The following GATA4 variants were observed in gnomAD, a reference collection of about 807,000 sequenced individuals.
GATA4 encodes GATA binding protein 4, also known as transcription factor GATA-4.
GATA4 carries 7 observed loss-of-function variants against 37.9 expected under a neutral mutation model. That is an observed-to-expected ratio of 0.18 (90% CI 0.11 to 0.35). The LOEUF (loss-of-function observed/expected upper bound fraction) is 0.35, where lower values mean the gene tolerates loss of function less well. GATA4 is among the 10% of genes least tolerant of loss of function. The probability of loss-of-function intolerance (pLI) is 1.00; values close to 1 mark genes in which losing one functional copy is unlikely to be tolerated. For missense variants in GATA4, 647 were observed against 653.0 expected, an observed-to-expected ratio of 0.99 and a Z score of 0.10; for synonymous variants, 372 against 292.6, an observed-to-expected ratio of 1.27 and a Z score of -2.77.
At chr8:11,722,976 T>G (rs1329038864) in intron 2 of GATA4, among the ~76,000 whole-genome samples, 1 of 152,204 alleles carries the variant, frequency 6.6e-6, no homozygotes, top group Non-Finnish European at 1.5e-5. Context: ...TTTTCATTGT[T>G]CAAAAGAACA....
At chr8:11,740,732 C>A (rs1313340861) in intron 2 of GATA4, among the ~76,000 whole-genome samples, 1 of 144,732 alleles carries the variant, frequency 6.9e-6, no homozygotes, top group Non-Finnish European at 1.6e-5. Flanking sequence ...TTCTTTGTTC[C>A]TTTTCCGTTT....
intron 1 of GATA4, among the ~76,000 whole-genome samples, chr8:11,696,510 G>T (rs1799513221): frequency 6.6e-6 from 1 of 152,166 alleles, no homozygotes; most frequent in African/African-American, 2.4e-5. Flanking sequence ...CTATTCCCCT[G>T]CTTAAGGATC....
rs973679741 is a variant in GATA4, at chr8:11,749,634, T to G, written c.787-477T>G. Among the ~76,000 whole-genome samples, 4 of 152,196 alleles carry G rather than the reference T, an allele frequency of 2.6e-5. No individual in the cohort carries two copies. The highest frequency in any genetic ancestry group is 9.7e-5 in the African/African-American group (4 of 41,450). ...TTGATTCTGGTCAACACCAACCAGCTTGCACTATATTAAGGAGGGAAGAAC... is the reference window on the plus strand; with the variant it reads ...TTGATTCTGGTCAACACCAACCAGCGTGCACTATATTAAGGAGGGAAGAAC... On this transcript the variant is annotated intron_variant, in intron 3 of 6. Transcript: ENST00000532059. The surrounding 1 kb of genome is among the most constrained non-coding windows in gnomAD (Gnocchi z 4.6).
In GATA4 at chr8:11,678,499, C is replaced by G. The variant is rs1264212720; in HGVS notation, c.-274+1436C>G. 4.6e-5 allele frequency among the ~76,000 whole-genome samples: 7 copies of G among 152,166 alleles called. No homozygotes were observed. In the East Asian group the frequency reaches 1.3e-3, roughly 29 times the overall value. On this transcript the variant is annotated intron_variant, in intron 1 of 6. Transcript: ENST00000528712. ...TTTTCCCAGGGCTGATATTCCTGCTCTTCTGTACGCTGTCCAAAAATAAGG... is the reference window on the plus strand; with the variant it reads ...TTTTCCCAGGGCTGATATTCCTGCTGTTCTGTACGCTGTCCAAAAATAAGG...
chr8:11,699,765 C>G (rs1347653563), upstream of GATA4, among the ~76,000 whole-genome samples: 5 of 152,232 alleles, frequency 3.3e-5, no homozygotes, highest in Admixed American at 3.3e-4. Context: ...GTCCTGAACT[C>G]AGCAAAAATG....
chr8:11,693,075 C>T (rs1398192411), intron 1 of GATA4: 23 of 984,966 alleles, frequency 2.3e-5, no homozygotes, highest in East Asian at 1.1e-4. Context: ...TTTTTCTACC[C>T]GGCAACAAAT....
At chr8:11,684,646 G>A (rs1395781329) in intron 1 of GATA4, among the ~76,000 whole-genome samples, 4 of 152,194 alleles carry the variant, frequency 2.6e-5, no homozygotes, top group Non-Finnish European at 5.9e-5. Context: ...ACGCTTCTGT[G>A]TTTCAGTTTC....
In GATA4 at chr8:11,704,311, C is replaced by T. The variant is rs1242525389; in HGVS notation, c.-458+7C>T. ...GAACCTCCAGGCCCAGCAGGTAGGG[C>T]TTTTTTCTTCCCTTTCTTTGCTCCT... On this transcript the variant is annotated splice_region_variant and intron_variant, in intron 1 of 6. Coordinates refer to ENST00000532059, the MANE Select transcript of GATA4 (RefSeq NM_001308093.3). 2.0e-5 allele frequency: 3 copies of T among 152,270 alleles called. No homozygotes were observed. The highest frequency in any genetic ancestry group is 4.8e-5 in the African/African-American group (2 of 41,462). 9.4% of individuals were successfully genotyped at this position (152,270 alleles called of 1,614,324 possible). A position where few individuals can be genotyped will look rare whatever the true frequency, so the allele number is the denominator to read the frequency against.
rs562831846 is a variant in GATA4, at chr8:11,682,158, G to A, written c.-274+5095G>A. Reference sequence around the variant, plus strand: ...TTAAATAATTTTCCAAGCACTAGGTGGTGTCTGACAAGATTGATTCACTCA... The same window carrying A: ...TTAAATAATTTTCCAAGCACTAGGTAGTGTCTGACAAGATTGATTCACTCA... On this transcript the variant is annotated intron_variant, in intron 1 of 6. Transcript: ENST00000528712. 5.3e-4 allele frequency among the ~76,000 whole-genome samples: 81 copies of A among 152,232 alleles called. 3 individuals carry two copies. The South Asian group carries it at 0.016, about 31-fold the overall frequency.
chr8:11,705,561 T>C (rs1398991599), intron 1 of GATA4, among the ~76,000 whole-genome samples: 1 of 152,180 alleles, frequency 6.6e-6, no homozygotes, highest in African/African-American at 2.4e-5. Context: ...GGACAAGTGA[T>C]CAGAAGGAGA....
At chr8:11,752,153 C>T (rs940231365) in intron 4 of GATA4, among the ~76,000 whole-genome samples, 22 of 152,254 alleles carry the variant, frequency 1.4e-4, no homozygotes, top group African/African-American at 4.8e-4. Flanking sequence ...TGAAAAAGCA[C>T]ATTGCAAAGA....
intron 5 of GATA4, among the ~76,000 whole-genome samples, chr8:11,756,061 A>T (rs1413027899): frequency 6.6e-6 from 1 of 152,118 alleles, no homozygotes; most frequent in Non-Finnish European, 1.5e-5. Context: ...GCTGTTCTTT[A>T]ATACGTTTAT....
At chr8:11,754,372 G>C (rs879452532) in intron 4 of GATA4, among the ~76,000 whole-genome samples, 1 of 152,066 alleles carries the variant, frequency 6.6e-6, no homozygotes, top group Non-Finnish European at 1.5e-5. Flanking sequence ...ATGCAGCACC[G>C]TGCCCAGCTA....
At position 11,758,924 on chromosome 8, in the gene GATA4, C is replaced by G. The variant is rs549563637; in HGVS notation, c.*449C>G. On this transcript the variant is annotated 3_prime_UTR_variant, in exon 7 of 7. Transcript: ENST00000532059. Reference sequence around the variant, plus strand: ...TGCGACGGGCCCCTGGGGACAGGCCCTTGCCCCATCCATCCGCTTGAGGCA... The same window carrying G: ...TGCGACGGGCCCCTGGGGACAGGCCGTTGCCCCATCCATCCGCTTGAGGCA... 4 of 284,390 alleles carry G rather than the reference C, an allele frequency of 1.4e-5. No homozygotes were observed. Among genetic ancestry groups the G allele is most frequent in the Non-Finnish European group, 2.8e-5 (4 of 145,208 alleles). 17.6% of individuals were successfully genotyped at this position (284,390 alleles called of 1,614,324 possible). A position where few individuals can be genotyped will look rare whatever the true frequency, so the allele number is the denominator to read the frequency against.
chr8:11,682,821 G>A (rs1488442826), intron 1 of GATA4, among the ~76,000 whole-genome samples: 2 of 152,208 alleles, frequency 1.3e-5, no homozygotes, highest in South Asian at 4.1e-4. Context: ...GATGTGGGGA[G>A]GGAGTGTGGT....
In GATA4 at chr8:11,749,868, A is replaced by T. The variant is rs3735815; in HGVS notation, c.787-243A>T. Among the ~76,000 whole-genome samples, 1 of 152,182 alleles carries T rather than the reference A, an allele frequency of 6.6e-6. No homozygotes were observed. The highest frequency in any genetic ancestry group is 2.4e-5 in the African/African-American group (1 of 41,430). ...CGGTGAATGATGGTTAGGACTGGAA[A>T]CCAGGTCTCGATGCCCACGTTCGCT... On this transcript the variant is annotated intron_variant, in intron 3 of 6. Coordinates refer to ENST00000532059, the MANE Select transcript of GATA4 (RefSeq NM_001308093.3). This position sits in a 1 kb window ranked among gnomAD's most constrained non-coding sequence, Gnocchi z 4.6.
In GATA4 at chr8:11,758,714, A is replaced by T; in HGVS notation, c.*239A>T. The T allele has an allele frequency of 1.8e-6, 1 of 570,542 alleles. No homozygotes were observed. Among genetic ancestry groups the T allele is most frequent in the Non-Finnish European group, 3.2e-6 (1 of 316,918 alleles). The allele number at this position is 570,542 out of a possible 1,614,324, so 35.3% of individuals were successfully genotyped here. On this transcript the variant is annotated 3_prime_UTR_variant, in exon 7 of 7. Transcript: ENST00000532059. Reference sequence around the variant, plus strand: ...CCACCCTTCAGCACGAGCACACTGCATCTCTCCTGTGAGTTGGAGACTTCT... The same window carrying T: ...CCACCCTTCAGCACGAGCACACTGCTTCTCTCCTGTGAGTTGGAGACTTCT...
intron 2 of GATA4, among the ~76,000 whole-genome samples, chr8:11,745,818 A>G (rs115284231): frequency 0.012 from 1,814 of 152,306 alleles, 29 homozygotes; most frequent in African/African-American, 0.042. Flanking sequence ...ATATTTATGA[A>G]TAAAATAATA....
rs111631683 is a variant in GATA4 at position 11,687,071 on chromosome 8, C to A, written c.-274+10008C>A. 7.5e-3 allele frequency among the ~76,000 whole-genome samples: 1,144 copies of A among 152,014 alleles called. 13 individuals are homozygous for A. Among genetic ancestry groups the A allele is most frequent in the African/African-American group, 0.025 (1,057 of 41,478 alleles). On this transcript the variant is annotated intron_variant, in intron 1 of 6. Transcript: ENST00000528712. ...TCTAGGAAGGGGATTAACTCCAAAG[C>A]CTGAGCAGACATCTGTGTTCTTGAT... is the stretch of plus-strand genomic sequence containing the variant.
Sources: allele counts gnomAD v4.1 joint callset (sites outside exome capture counted in the v4.1 genomes callset), GRCh38; gene constraint gnomAD v4.1.1; non-coding constraint Gnocchi (gnomAD v3.1); transcripts MANE v1.5; gene names NCBI Gene and HGNC (gene_info 2026-07-23, HGNC 2026-07-21).